The following ZNF362 variants were observed in gnomAD, a reference collection of about 807,000 sequenced individuals.
ZNF362 encodes zinc finger protein 362.
A neutral mutation model predicts 42.9 loss-of-function variants in ZNF362; 11 were observed. That is an observed-to-expected ratio of 0.26 (90% confidence interval 0.16 to 0.42). The LOEUF (loss-of-function observed/expected upper bound fraction) is 0.42, where lower values mean the gene tolerates loss of function less well. Among genes scored for constraint, ZNF362 ranks in the 20% least tolerant of loss-of-function variants. The pLI, the probability that ZNF362 is intolerant of heterozygous loss-of-function variation, is 1.00. For missense variants in ZNF362, 362 were observed against 576.2 expected, an observed-to-expected ratio of 0.63 and a Z score of 3.81; for synonymous variants, 255 against 257.3, an observed-to-expected ratio of 0.99 and a Z score of 0.09.
rs1316504681 is a variant in ZNF362, at chr1:33,268,338, C to A, written c.-88-2149C>A. Among the ~76,000 whole-genome samples the A allele has an allele frequency of 3.3e-5, 5 of 152,246 alleles. No homozygotes were observed. The South Asian group carries it at 1.0e-3, about 32-fold the overall frequency. On this transcript the variant is annotated intron_variant, in intron 1 of 8. Coordinates refer to ENST00000539719, the MANE Select transcript of ZNF362 (RefSeq NM_152493.3). ...CATCCAGGCCACAGCCCTTTCAGTT[C>A]CCCCCACCTGATTATTAAGTAAGTA...
the ZNF362 span, among the ~76,000 whole-genome samples, chr1:33,250,829 A>G: frequency 1.4e-5 from 2 of 145,914 alleles, no homozygotes; most frequent in South Asian, 2.2e-4. Flanking sequence ...GAGAAGAAGA[A>G]AAGAAGAAGA....
chr1:33,158,415 G>T, the ZNF362 span: 1 of 1,564,798 alleles, frequency 6.4e-7, no homozygotes, highest in Non-Finnish European at 8.8e-7. Context: ...CTGGATTCCT[G>T]CCCCAATGCC....
At chr1:33,288,765 A>AAAAAAAAAAAAAAAAGAG (rs1646051958) in intron 6 of ZNF362, among the ~76,000 whole-genome samples, 2 of 133,618 alleles carry the variant, frequency 1.5e-5, no homozygotes, top group Non-Finnish European at 3.4e-5. Context: ...AAAAAAAAGA[A>AAAAAAAAAAAAAAAAGAG]GCGTGACCAC....
At chr1:33,243,133 GTTATGTT>G in the ZNF362 span, among the ~76,000 whole-genome samples, 1 of 151,042 alleles carries the variant, frequency 6.6e-6, no homozygotes, top group African/African-American at 2.5e-5. Context: ...GTTATGTTAT[GTTATGTT>G]ATGTTATGTT....
chr1:33,166,160 A>G, the ZNF362 span: 116,964 of 152,524 alleles, frequency 0.77, 45,005 homozygotes, highest in African/African-American at 0.82. Context: ...ACTGTCTTCC[A>G]TCACCCCCAG....
At chr1:33,179,725 C>T in the ZNF362 span, among the ~76,000 whole-genome samples, 8 of 152,254 alleles carry the variant, frequency 5.3e-5, no homozygotes, top group South Asian at 2.1e-4. Context: ...TGGAGAACTA[C>T]GTGCTCGACT....
At chr1:33,140,977 A>G in the ZNF362 span, among the ~76,000 whole-genome samples, 2 of 152,126 alleles carry the variant, frequency 1.3e-5, no homozygotes, top group African/African-American at 4.8e-5. This position sits in a 1 kb window ranked among gnomAD's most constrained non-coding sequence, Gnocchi z 4.0. Context: ...GATGGCTGGG[A>G]GTCAGGAGAC....
At chr1:33,194,386 A>T in the ZNF362 span, among the ~76,000 whole-genome samples, 1 of 151,932 alleles carries the variant, frequency 6.6e-6, no homozygotes, top group African/African-American at 2.4e-5. Context: ...AAATACAAAA[A>T]ATTAGCCGGG....
At chr1:33,242,651 C>T in the ZNF362 span, among the ~76,000 whole-genome samples, 1 of 152,212 alleles carries the variant, frequency 6.6e-6, no homozygotes, top group African/African-American at 2.4e-5. Context: ...TCAAGACTTC[C>T]CACGGATTAG....
chr1:33,207,574 A>G, the ZNF362 span, among the ~76,000 whole-genome samples: 12 of 152,222 alleles, frequency 7.9e-5, no homozygotes, highest in Admixed American at 5.9e-4. Flanking sequence ...TCAACAGTGT[A>G]AAAACCTTCC....
rs778688588 is a variant in ZNF362 at position 33,276,463 on chromosome 1, C to T, written c.218C>T (p.Pro73Leu). 40 of 1,552,524 alleles carry T rather than the reference C, an allele frequency of 2.6e-5. No individual in the cohort carries two copies. The highest frequency in any genetic ancestry group is 5.9e-5 in the South Asian group (5 of 84,778). ...ASSQQPLLVP[P>L]APAESSQAVM... is the part of the protein sequence containing the mutation. Reference sequence around the variant, plus strand: ...TCGCAGCAGCCGTTGCTAGTGCCGCCGGCACCCGCCGAGAGCAGCCAGGCC... The same window carrying T: ...TCGCAGCAGCCGTTGCTAGTGCCGCTGGCACCCGCCGAGAGCAGCCAGGCC... Residue 73 changes from proline (P) to leucine (L), a missense_variant, in exon 4 of 9, where the codon CCG (proline) becomes CTG (leucine). Coordinates refer to ENST00000539719, the MANE Select transcript of ZNF362 (RefSeq NM_152493.3).
the ZNF362 span, among the ~76,000 whole-genome samples, chr1:33,237,184 T>A: frequency 6.6e-6 from 1 of 152,148 alleles, no homozygotes; most frequent in Admixed American, 6.6e-5. Flanking sequence ...TGGTATCAAC[T>A]CCTTAAAATG....
the ZNF362 span, among the ~76,000 whole-genome samples, chr1:33,180,729 C>T: frequency 6.6e-6 from 1 of 152,224 alleles, no homozygotes; most frequent in Middle Eastern, 3.2e-3. Flanking sequence ...TTGTTTCCGC[C>T]ATCCCATCCG....
At chr1:33,216,735 A>G in the ZNF362 span, among the ~76,000 whole-genome samples, 1 of 151,988 alleles carries the variant, frequency 6.6e-6, no homozygotes, top group Non-Finnish European at 1.5e-5. Flanking sequence ...AGAAGGCAGG[A>G]ATATAATAAT....
At chr1:33,135,414 C>T in the ZNF362 span, among the ~76,000 whole-genome samples, 2 of 152,212 alleles carry the variant, frequency 1.3e-5, no homozygotes, top group African/African-American at 4.8e-5. Flanking sequence ...AGACATGTGG[C>T]CCACCCCAGT....
At chr1:33,208,586 T>G in the ZNF362 span, among the ~76,000 whole-genome samples, 1 of 152,240 alleles carries the variant, frequency 6.6e-6, no homozygotes, top group African/African-American at 2.4e-5. Context: ...TCCATTTGTT[T>G]GTGTCCTCTT....
the ZNF362 span, among the ~76,000 whole-genome samples, chr1:33,236,797 G>T: frequency 2.0e-5 from 3 of 151,422 alleles, no homozygotes; most frequent in East Asian, 5.8e-4. Flanking sequence ...ATATCACATT[G>T]TGGCCAAGCA....
At chr1:33,195,463 TG>T in the ZNF362 span, 3 of 152,256 alleles carry the variant, frequency 2.0e-5, no homozygotes, top group African/African-American at 7.2e-5. Flanking sequence ...AGGTGTTTTT[TG>T]TCCTTACTGA....
the ZNF362 span, among the ~76,000 whole-genome samples, chr1:33,138,716 T>C: frequency 6.6e-6 from 1 of 152,098 alleles, no homozygotes; most frequent in Admixed American, 6.6e-5. Context: ...CAGTGGCTGA[T>C]GGATGATTTT....
Sources: allele counts gnomAD v4.1 joint callset (sites outside exome capture counted in the v4.1 genomes callset), GRCh38; gene constraint gnomAD v4.1.1; non-coding constraint Gnocchi (gnomAD v3.1); transcripts MANE v1.5; gene names NCBI Gene and HGNC (gene_info 2026-07-23, HGNC 2026-07-21).